The following LRRC4C variants were observed in gnomAD, a reference collection of about 807,000 sequenced individuals.
LRRC4C encodes the protein leucine-rich repeat-containing protein 4C.
Under a neutral mutation model 33.6 loss-of-function variants are expected in LRRC4C, and 5 were observed. That is an observed-to-expected ratio of 0.15 (90% CI 0.08 to 0.31). LRRC4C has a LOEUF of 0.31. LRRC4C is among the 10% of genes least tolerant of loss of function. The pLI, the probability that LRRC4C is intolerant of heterozygous loss-of-function variation, is 1.00. For synonymous variants in LRRC4C, 329 were observed against 302.0 expected, an observed-to-expected ratio of 1.09 and a Z score of -0.93; for missense variants, 560 against 796.7, an observed-to-expected ratio of 0.70 and a Z score of 3.58.
chr11:40,588,133 G>A (rs1471586505), intron 3 of LRRC4C, among the ~76,000 whole-genome samples: 29 of 151,432 alleles, frequency 1.9e-4, no homozygotes, highest in African/African-American at 7.0e-4. Flanking sequence ...GTAAGCTATT[G>A]ATTATTGCCA....
rs76941006 is a variant in LRRC4C, at chr11:40,957,977, G to A, written c.-495-24254C>T. Among the ~76,000 whole-genome samples, 226 of 151,746 alleles carry A rather than the reference G, an allele frequency of 1.5e-3. 2 individuals are homozygous for A. Among genetic ancestry groups the A allele is most frequent in the African/African-American group, 5.3e-3 (221 of 41,452 alleles). ...ACTATTAGGAGGTGGGGTCTTTGGAGGTGATTACGTCCTAAGGGTGGAGGC... is the reference window on the plus strand; with the variant it reads ...ACTATTAGGAGGTGGGGTCTTTGGAAGTGATTACGTCCTAAGGGTGGAGGC... On this transcript the variant is annotated intron_variant, in intron 1 of 6. Transcript: ENST00000528697.
At chr11:40,640,025 A>T (rs1156640254) in intron 3 of LRRC4C, among the ~76,000 whole-genome samples, 1 of 152,058 alleles carries the variant, frequency 6.6e-6, no homozygotes, top group East Asian at 1.9e-4. Flanking sequence ...AATCACTCTG[A>T]TTATATATTC....
chr11:41,192,717 C>A (rs1322400246), intron 1 of LRRC4C, among the ~76,000 whole-genome samples: 2 of 151,776 alleles, frequency 1.3e-5, no homozygotes, highest in African/African-American at 2.4e-5. Context: ...GAGTCAGAAT[C>A]GAGAAAAAGC....
At chr11:40,382,832 T>C (rs1332039133) in intron 3 of LRRC4C, among the ~76,000 whole-genome samples, 1 of 151,752 alleles carries the variant, frequency 6.6e-6, no homozygotes. Flanking sequence ...TAGCTGGGAC[T>C]ACAGGCACCC....
intron 1 of LRRC4C, among the ~76,000 whole-genome samples, chr11:41,104,272 A>G (rs1049053516): frequency 6.6e-6 from 1 of 151,972 alleles, no homozygotes; most frequent in African/African-American, 2.4e-5. Flanking sequence ...CTAAAGTCAA[A>G]TAAAGAAGCC....
At chr11:40,302,644 G>C (rs1054978237) in intron 4 of LRRC4C, among the ~76,000 whole-genome samples, 1 of 152,084 alleles carries the variant, frequency 6.6e-6, no homozygotes, top group Non-Finnish European at 1.5e-5. Context: ...TAACACTTTA[G>C]TACTATCCAA....
At chr11:40,188,247 C>A (rs1229958218) in intron 5 of LRRC4C, among the ~76,000 whole-genome samples, 1 of 152,176 alleles carries the variant, frequency 6.6e-6, no homozygotes, top group Admixed American at 6.5e-5. Context: ...AAGTGAAATT[C>A]TGACTTCCTT....
intron 2 of LRRC4C, among the ~76,000 whole-genome samples, chr11:40,900,139 T>C (rs1045425552): frequency 6.6e-6 from 1 of 152,168 alleles, no homozygotes; most frequent in Admixed American, 6.6e-5. Flanking sequence ...CCCTTCTTCA[T>C]GCTTATTTAC....
chr11:41,073,413 G>T (rs1258364522), intron 1 of LRRC4C, among the ~76,000 whole-genome samples: 1 of 152,122 alleles, frequency 6.6e-6, no homozygotes, highest in Non-Finnish European at 1.5e-5. Context: ...ATTTATGGGA[G>T]ATCTACCCCG....
intron 1 of LRRC4C, among the ~76,000 whole-genome samples, chr11:40,946,503 G>A (rs1296148253): frequency 1.3e-5 from 2 of 152,116 alleles, no homozygotes; most frequent in Non-Finnish European, 2.9e-5. Flanking sequence ...TCTTTGAGAA[G>A]TCTCTAAACC....
At chr11:41,001,584 C>T (rs1278758275) in intron 1 of LRRC4C, among the ~76,000 whole-genome samples, 1 of 149,844 alleles carries the variant, frequency 6.7e-6, no homozygotes, top group African/African-American at 2.5e-5. Context: ...TCTGTTTTGT[C>T]TGACAAGCTA....
chr11:40,589,987 T>C (rs979064148), intron 3 of LRRC4C, among the ~76,000 whole-genome samples: 1 of 151,728 alleles, frequency 6.6e-6, no homozygotes, highest in African/African-American at 2.4e-5. Flanking sequence ...AGTATCTTTG[T>C]AGCGTTCTCT....
chr11:41,322,425 C>T (rs1950985472), intron 1 of LRRC4C, among the ~76,000 whole-genome samples: 1 of 151,714 alleles, frequency 6.6e-6, no homozygotes, highest in Non-Finnish European at 1.5e-5. Context: ...TTTTAAATCA[C>T]CTATCAACAT....
In LRRC4C at chr11:40,127,294, A is replaced by AG. The variant is rs747121195; in HGVS notation, c.-42-10961_-42-10960insC. 2.1e-4 allele frequency among the ~76,000 whole-genome samples: 32 copies of AG among 152,168 alleles called. 1 individual carries two copies. The East Asian group carries it at 4.6e-3, about 22-fold the overall frequency. On this transcript the variant is annotated intron_variant, in intron 6 of 6. Transcript: ENST00000528697. Reference sequence around the variant, plus strand: ...CATCTCAAAAAAAGCAAAAAAAAAAATATAGAGATTTGGAATTTTATGCAG... The same window carrying AG: ...CATCTCAAAAAAAGCAAAAAAAAAAAGTATAGAGATTTGGAATTTTATGCAG...
chr11:40,529,821 G>GA (rs1956201918), intron 3 of LRRC4C, among the ~76,000 whole-genome samples: 1 of 152,048 alleles, frequency 6.6e-6, no homozygotes, highest in South Asian at 2.1e-4. Flanking sequence ...CCTCATTAAA[G>GA]AAAAAGATTC....
chr11:40,434,991 A>G (rs2137894845), intron 3 of LRRC4C, among the ~76,000 whole-genome samples: 1 of 152,304 alleles, frequency 6.6e-6, no homozygotes, highest in East Asian at 1.9e-4. Flanking sequence ...ATGCTGAAAA[A>G]AAATCAACAT....
At chr11:41,090,142 G>A (rs1040666037) in intron 1 of LRRC4C, among the ~76,000 whole-genome samples, 2 of 152,080 alleles carry the variant, frequency 1.3e-5, no homozygotes, top group African/African-American at 4.8e-5. Context: ...TTTGGAAAAT[G>A]TTTGCAATAT....
intron 2 of LRRC4C, among the ~76,000 whole-genome samples, chr11:40,757,822 TGAAAAACACAGATAGCAATACTCTGG>T (rs1469577410): frequency 1.3e-5 from 2 of 152,064 alleles, no homozygotes; most frequent in Admixed American, 1.3e-4. Context: ...GCACACCTGT[TGAAAAACACAGATAGCAATACTCTGG>T]GTGTTACATT....
chr11:40,906,760 TTC>T (rs1269894067), intron 2 of LRRC4C, among the ~76,000 whole-genome samples: 1 of 152,140 alleles, frequency 6.6e-6, no homozygotes, highest in Non-Finnish European at 1.5e-5. Flanking sequence ...CATGTATGTA[TTC>T]TGTTTAATTT....
Sources: allele counts gnomAD v4.1 joint callset (sites outside exome capture counted in the v4.1 genomes callset), GRCh38; gene constraint gnomAD v4.1.1; transcripts MANE v1.5; gene names NCBI Gene and HGNC (gene_info 2026-07-23, HGNC 2026-07-21).